Variants in GLIS3 observed in about 807,000 individuals in gnomAD.
GLIS3 encodes zinc finger protein GLIS3.
Under a neutral mutation model 78.6 loss-of-function variants are expected in GLIS3, and 53 were observed. The ratio of observed to expected loss-of-function variants is 0.67; its 90% CI spans 0.54 to 0.85. GLIS3 has a LOEUF of 0.85. Ranked by LOEUF, GLIS3 falls within the 40% of genes least tolerant of loss-of-function variation. The pLI is 0.00. For missense variants in GLIS3, 1,703 were observed against 1,231.1 expected, an observed-to-expected ratio of 1.38 and a Z score of -5.74; for synonymous variants, 684 against 509.9, an observed-to-expected ratio of 1.34 and a Z score of -4.60.
intron 2 of GLIS3, among the ~76,000 whole-genome samples, chr9:4,156,838 C>G (rs1349073542): frequency 6.6e-6 from 1 of 152,132 alleles, no homozygotes; most frequent in Non-Finnish European, 1.5e-5. Context: ...AAAAAATGCC[C>G]TCTCCCAGCT....
intron 6 of GLIS3, among the ~76,000 whole-genome samples, chr9:3,915,529 G>A (rs953172353): frequency 9.9e-5 from 15 of 152,216 alleles, no homozygotes; most frequent in Non-Finnish European, 1.9e-4. Flanking sequence ...TTAGAGGACT[G>A]GATAATATTT....
chr9:4,421,113 T>G, the GLIS3 span, among the ~76,000 whole-genome samples: 1 of 152,222 alleles, frequency 6.6e-6, no homozygotes, highest in Non-Finnish European at 1.5e-5. Context: ...TTACTGTCAG[T>G]GACTGCTGAC....
At chr9:4,417,348 AAAGC>A in the GLIS3 span, among the ~76,000 whole-genome samples, 2 of 152,192 alleles carry the variant, frequency 1.3e-5, no homozygotes, top group African/African-American at 2.4e-5. Context: ...CAAACCATGA[AAAGC>A]AAGGACTGTC....
intron 2 of GLIS3, among the ~76,000 whole-genome samples, chr9:4,140,775 C>T (rs1052203724): frequency 1.3e-5 from 2 of 150,098 alleles, no homozygotes; most frequent in South Asian, 4.2e-4. Context: ...TATAAAAGGG[C>T]CAAGAGTAGA....
chr9:3,841,035 G>A lies in GLIS3; in HGVS notation c.2474-11543C>T, dbSNP rs865899725. ...CAAGGGGATGGGAACGGGCAGAGCA[G>A]GTGGCTAAAAGCGACAATAGGGAAA... On this transcript the variant is annotated intron_variant, in intron 9 of 10. Coordinates refer to ENST00000381971, the MANE Select transcript of GLIS3 (RefSeq NM_001042413.2). Among the ~76,000 whole-genome samples the A allele has an allele frequency of 2.6e-5, 4 of 152,146 alleles. No individual in the cohort carries two copies. The East Asian group carries it at 5.8e-4, about 22-fold the overall frequency.
chr9:4,000,022 G>C (rs1458225978), intron 4 of GLIS3, among the ~76,000 whole-genome samples: 1 of 152,074 alleles, frequency 6.6e-6, no homozygotes, highest in Non-Finnish European at 1.5e-5. Context: ...CAGTAAACAA[G>C]TATAGAAGTG....
chr9:4,370,338 G>T, the GLIS3 span, among the ~76,000 whole-genome samples: 1 of 152,144 alleles, frequency 6.6e-6, no homozygotes, highest in African/African-American at 2.4e-5. Flanking sequence ...CTCCAGGACA[G>T]CAGCCCTGCT....
intron 4 of GLIS3, among the ~76,000 whole-genome samples, chr9:3,962,702 A>G (rs1285250285): frequency 1.3e-5 from 2 of 152,138 alleles, no homozygotes; most frequent in Non-Finnish European, 2.9e-5. Context: ...AAACAAGAGA[A>G]AGGGGGGAAT....
At chr9:4,161,470 T>A (rs1048710150) in intron 2 of GLIS3, among the ~76,000 whole-genome samples, 1 of 152,116 alleles carries the variant, frequency 6.6e-6, no homozygotes, top group Non-Finnish European at 1.5e-5. Flanking sequence ...AAAACACCCC[T>A]TCGTGGATGC....
At chr9:4,436,557 C>A in the GLIS3 span, among the ~76,000 whole-genome samples, 1 of 152,078 alleles carries the variant, frequency 6.6e-6, no homozygotes. Flanking sequence ...GTAATCCCAG[C>A]ACTTTGGGAG....
chr9:4,247,809 T>C (rs1304157987), intron 2 of GLIS3, among the ~76,000 whole-genome samples: 1 of 152,342 alleles, frequency 6.6e-6, no homozygotes, highest in South Asian at 2.1e-4. Context: ...TGTAGTACAA[T>C]GTGATGTTTT....
intron 4 of GLIS3, among the ~76,000 whole-genome samples, chr9:4,094,188 G>T (rs569968923): frequency 2.0e-5 from 3 of 152,300 alleles, no homozygotes; most frequent in Admixed American, 6.5e-5. Flanking sequence ...GGAACGAGAG[G>T]AACTGAGGAA....
At chr9:4,416,922 G>C in the GLIS3 span, among the ~76,000 whole-genome samples, 2 of 149,978 alleles carry the variant, frequency 1.3e-5, no homozygotes, top group African/African-American at 4.9e-5. Context: ...AGGTTCAAGC[G>C]ATTCTCCTTC....
At chr9:3,996,862 G>C (rs1820783029) in intron 4 of GLIS3, among the ~76,000 whole-genome samples, 1 of 152,050 alleles carries the variant, frequency 6.6e-6, no homozygotes, top group African/African-American at 2.4e-5. Flanking sequence ...TTCAGATGCA[G>C]CAGAGATTAA....
the GLIS3 span, among the ~76,000 whole-genome samples, chr9:4,401,735 G>A: frequency 6.6e-6 from 1 of 151,750 alleles, no homozygotes; most frequent in Non-Finnish European, 1.5e-5. Context: ...GGGACTACAG[G>A]TGCATGCTAC....
intron 2 of GLIS3, among the ~76,000 whole-genome samples, chr9:4,265,344 AT>A (rs1825895130): frequency 6.6e-6 from 1 of 151,570 alleles, no homozygotes; most frequent in South Asian, 2.1e-4. Flanking sequence ...AGCATAATGT[AT>A]CGCCTTATTT....
At chr9:4,184,362 A>C (rs1817583386) in intron 2 of GLIS3, among the ~76,000 whole-genome samples, 1 of 152,254 alleles carries the variant, frequency 6.6e-6, no homozygotes, top group African/African-American at 2.4e-5. Flanking sequence ...AGAAAATATC[A>C]TGCAGCAACC....
intron 2 of GLIS3, among the ~76,000 whole-genome samples, chr9:4,142,903 T>C (rs772412520): frequency 6.6e-6 from 1 of 152,154 alleles, no homozygotes; most frequent in Non-Finnish European, 1.5e-5. Context: ...AATCAAATTA[T>C]GTTTTAAGGC....
At chr9:4,481,514 A>AAG in the GLIS3 span, among the ~76,000 whole-genome samples, 5 of 99,454 alleles carry the variant, frequency 5.0e-5, no homozygotes, top group South Asian at 3.1e-4. Flanking sequence ...TTAAAAACAT[A>AAG]AGTGTGTGTG....
Sources: allele counts gnomAD v4.1 joint callset (sites outside exome capture counted in the v4.1 genomes callset), GRCh38; gene constraint gnomAD v4.1.1; transcripts MANE v1.5; gene names NCBI Gene and HGNC (gene_info 2026-07-23, HGNC 2026-07-21).